CSMD1: variants seen among roughly 807,000 people sequenced by gnomAD.
The protein encoded by CSMD1 is CUB and Sushi multiple domains 1.
A neutral mutation model predicts 417.5 loss-of-function variants in CSMD1; 213 were observed. The observed-to-expected ratio is 0.51, with a 90% CI of 0.46 to 0.57. The LOEUF (loss-of-function observed/expected upper bound fraction) is 0.57. Ranked by LOEUF, CSMD1 falls within the 20% of genes least tolerant of loss-of-function variation. CSMD1 has a pLI of 0.00. For synonymous variants in CSMD1, 2,862 were observed against 1,736.8 expected (o/e 1.65, Z -16.11); for missense variants, 6,923 against 4,529.7 (o/e 1.53, Z -15.17).
intron 2 of CSMD1, among the ~76,000 whole-genome samples, chr8:4,505,067 A>G (rs1381969159): frequency 6.6e-6 from 1 of 152,214 alleles, no homozygotes; most frequent in East Asian, 1.9e-4. Context: ...ACTGTCTTCC[A>G]CAATGGTTGA....
chr8:3,301,993 C>A (rs1260819402), intron 25 of CSMD1, among the ~76,000 whole-genome samples: 1 of 151,990 alleles, frequency 6.6e-6, no homozygotes, highest in Non-Finnish European at 1.5e-5. Flanking sequence ...CAAAAGAATT[C>A]CATGAGCTGT....
At chr8:3,718,604 G>T in intron 6 of CSMD1, among the ~76,000 whole-genome samples, 1 of 152,152 alleles carries the variant, frequency 6.6e-6, no homozygotes, top group Non-Finnish European at 1.5e-5. Flanking sequence ...TCTCATATAT[G>T]AAGTTATAGT....
At chr8:4,538,390 C>G (rs1355317140) in intron 2 of CSMD1, among the ~76,000 whole-genome samples, 1 of 151,896 alleles carries the variant, frequency 6.6e-6, no homozygotes, top group Non-Finnish European at 1.5e-5. Flanking sequence ...TGCCTGTAAT[C>G]CAAGCACTTT....
At chr8:4,756,587 G>A (rs1262200311) in intron 1 of CSMD1, among the ~76,000 whole-genome samples, 2 of 152,220 alleles carry the variant, frequency 1.3e-5, no homozygotes. Flanking sequence ...TTCTAGACTT[G>A]TTTTTGCAGA....
intron 1 of CSMD1, among the ~76,000 whole-genome samples, chr8:4,803,459 G>T (rs772955155): frequency 6.6e-6 from 1 of 152,198 alleles, no homozygotes; most frequent in African/African-American, 2.4e-5. Flanking sequence ...CATGATAGGA[G>T]AGGAGGGTTA....
intron 5 of CSMD1, among the ~76,000 whole-genome samples, chr8:3,813,030 G>C (rs11784789): frequency 6.6e-6 from 1 of 151,196 alleles, no homozygotes; most frequent in African/African-American, 2.4e-5. Context: ...TATTGTGACA[G>C]CATTTAAAAA....
intron 1 of CSMD1, among the ~76,000 whole-genome samples, chr8:4,680,639 G>A (rs1457428267): frequency 6.6e-6 from 1 of 152,110 alleles, no homozygotes; most frequent in Non-Finnish European, 1.5e-5. Flanking sequence ...GAGTGCAGTG[G>A]CATGATCTTG....
At chr8:3,845,725 A>G (rs1803461001) in intron 5 of CSMD1, among the ~76,000 whole-genome samples, 1 of 152,170 alleles carries the variant, frequency 6.6e-6, no homozygotes, top group East Asian at 1.9e-4. Context: ...TTGATTTTTC[A>G]TCTTTTTTAC....
chr8:4,684,197 A>C (rs1273705486), intron 1 of CSMD1, among the ~76,000 whole-genome samples: 1 of 152,238 alleles, frequency 6.6e-6, no homozygotes, highest in Non-Finnish European at 1.5e-5. Flanking sequence ...ATTTATGAAT[A>C]AGGACACGAG....
At chr8:4,676,312 A>G (rs2042663082) in intron 1 of CSMD1, among the ~76,000 whole-genome samples, 1 of 152,084 alleles carries the variant, frequency 6.6e-6, no homozygotes, top group South Asian at 2.1e-4. Flanking sequence ...ATTCCCTGCC[A>G]AACACTGAAA....
chr8:3,236,979 C>A (rs186818926), intron 26 of CSMD1, among the ~76,000 whole-genome samples: 23 of 152,148 alleles, frequency 1.5e-4, no homozygotes, highest in African/African-American at 4.8e-4. Context: ...ATCTCTGCCA[C>A]CTGTCAGGCT....
intron 3 of CSMD1, among the ~76,000 whole-genome samples, chr8:4,192,742 T>G (rs1014123980): frequency 1.3e-5 from 2 of 152,232 alleles, no homozygotes; most frequent in Non-Finnish European, 2.9e-5. Flanking sequence ...ATTTGCACTT[T>G]AGTGACTTCT....
chr8:4,103,078 T>G (rs1007949798), intron 3 of CSMD1, among the ~76,000 whole-genome samples: 1 of 152,210 alleles, frequency 6.6e-6, no homozygotes, highest in African/African-American at 2.4e-5. Context: ...GCCCTTGGTT[T>G]TGAGCTCCAG....
intron 3 of CSMD1, among the ~76,000 whole-genome samples, chr8:4,387,769 G>A (rs139171960): frequency 2.6e-5 from 4 of 151,902 alleles, no homozygotes; most frequent in African/African-American, 9.7e-5. Context: ...CTATCTGAAG[G>A]CTTATGAGAA....
At chr8:4,591,085 T>A (rs1261515063) in intron 2 of CSMD1, among the ~76,000 whole-genome samples, 1 of 152,242 alleles carries the variant, frequency 6.6e-6, no homozygotes, top group Non-Finnish European at 1.5e-5. Context: ...CAGGATCTGC[T>A]ATTCTCTAAG....
chr8:3,491,989 C>T (rs1818405261), intron 11 of CSMD1, among the ~76,000 whole-genome samples: 1 of 152,180 alleles, frequency 6.6e-6, no homozygotes, highest in East Asian at 1.9e-4. Context: ...TATTGGTTTA[C>T]AAGCTCTTTG....
At chr8:3,955,379 G>C (rs530892212) in intron 5 of CSMD1, among the ~76,000 whole-genome samples, 9 of 152,172 alleles carry the variant, frequency 5.9e-5, no homozygotes, top group Non-Finnish European at 2.9e-5. Context: ...TACTGGTTCA[G>C]AGATTTTCCA....
At chr8:4,155,688 C>G (rs1796798301) in intron 3 of CSMD1, among the ~76,000 whole-genome samples, 1 of 152,084 alleles carries the variant, frequency 6.6e-6, no homozygotes, top group African/African-American at 2.4e-5. Context: ...AAGCAAATTT[C>G]TAATCAACAG....
intron 3 of CSMD1, among the ~76,000 whole-genome samples, chr8:4,356,068 C>G (rs867187958): frequency 5.3e-5 from 8 of 152,136 alleles, no homozygotes; most frequent in South Asian, 2.1e-4. Context: ...GAGCAGTGTA[C>G]ACTGCACCAT....
Sources: allele counts gnomAD v4.1 joint callset (sites outside exome capture counted in the v4.1 genomes callset), GRCh38; gene constraint gnomAD v4.1.1; transcripts MANE v1.5; gene names NCBI Gene and HGNC (gene_info 2026-07-23, HGNC 2026-07-21).